RANBP2: variants seen among roughly 807,000 people sequenced by gnomAD.
RANBP2 encodes E3 SUMO-protein ligase RanBP2.
RANBP2 carries 57 observed loss-of-function variants against 303.6 expected under a neutral mutation model. The observed-to-expected ratio is 0.19, with a 90% CI of 0.15 to 0.23. The LOEUF (loss-of-function observed/expected upper bound fraction) is 0.23, where lower values mean the gene tolerates loss of function less well. RANBP2 is among the 10% of genes least tolerant of loss of function. The probability of loss-of-function intolerance (pLI) is 1.00; values close to 1 mark genes in which losing one functional copy is unlikely to be tolerated. For synonymous variants in RANBP2, 1,167 were observed against 1,301.5 expected (o/e 0.90, Z 2.23); for missense variants, 3,138 against 3,780.8 (o/e 0.83, Z 4.46).
chr2:109,547,722 T>C, the RANBP2 span, among the ~76,000 whole-genome samples: 3 of 152,076 alleles, frequency 2.0e-5, no homozygotes, highest in Admixed American at 6.5e-5. Flanking sequence ...AACTTACAAA[T>C]AAAAAGGAAG....
At chr2:109,209,898 C>G in the RANBP2 span, among the ~76,000 whole-genome samples, 4 of 152,004 alleles carry the variant, frequency 2.6e-5, no homozygotes, top group African/African-American at 7.3e-5. Context: ...AAGTACGTCC[C>G]CCCTGTTTTG....
the RANBP2 span, chr2:108,910,915 G>A: frequency 1.2e-6 from 2 of 1,613,968 alleles, no homozygotes; most frequent in East Asian, 2.2e-5. Flanking sequence ...GAGAGTCCAG[G>A]AAGCAGGGCA....
chr2:109,442,946 G>T, the RANBP2 span, among the ~76,000 whole-genome samples: 1 of 152,120 alleles, frequency 6.6e-6, no homozygotes, highest in Non-Finnish European at 1.5e-5. Context: ...AAAAACCAAC[G>T]ATATGCTGTG....
chr2:109,366,909 G>A, the RANBP2 span, among the ~76,000 whole-genome samples: 3 of 152,148 alleles, frequency 2.0e-5, no homozygotes, highest in Non-Finnish European at 2.9e-5. Flanking sequence ...TTTGTGGAAG[G>A]TAAGCTGAAA....
At chr2:109,585,780 G>A in the RANBP2 span, 1 of 1,613,862 alleles carries the variant, frequency 6.2e-7, no homozygotes, top group African/African-American at 1.3e-5. Flanking sequence ...CAGCTGATCA[G>A]GCAAACTCTC....
At chr2:109,546,562 A>G in the RANBP2 span, among the ~76,000 whole-genome samples, 4 of 152,094 alleles carry the variant, frequency 2.6e-5, no homozygotes, top group Non-Finnish European at 4.4e-5. Context: ...TCTCAAGTCC[A>G]TGCTCAATAA....
At chr2:109,018,772 C>T in the RANBP2 span, among the ~76,000 whole-genome samples, 4 of 152,240 alleles carry the variant, frequency 2.6e-5, no homozygotes, top group Non-Finnish European at 5.9e-5. Flanking sequence ...GCCACTCAGA[C>T]CCTCAGGCCA....
chr2:108,847,285 C>T, the RANBP2 span, among the ~76,000 whole-genome samples: 1 of 152,158 alleles, frequency 6.6e-6, no homozygotes, highest in African/African-American at 2.4e-5. Flanking sequence ...TGGCCTACCA[C>T]CTGTTTTGTA....
chr2:109,161,142 G>A, the RANBP2 span, among the ~76,000 whole-genome samples: 1 of 152,176 alleles, frequency 6.6e-6, no homozygotes, highest in African/African-American at 2.4e-5. Context: ...TTGTTACTAG[G>A]CATAAAGCAT....
chr2:109,341,680 C>G, the RANBP2 span, among the ~76,000 whole-genome samples: 1 of 152,162 alleles, frequency 6.6e-6, no homozygotes, highest in South Asian at 2.1e-4. Flanking sequence ...CCCCTTTGCT[C>G]TGGGCATAAT....
At chr2:109,321,199 A>G in the RANBP2 span, among the ~76,000 whole-genome samples, 1 of 152,254 alleles carries the variant, frequency 6.6e-6, no homozygotes, top group Non-Finnish European at 1.5e-5. Context: ...TCTTTGAGGT[A>G]TGCAGTCAGT....
At chr2:109,408,648 C>T in the RANBP2 span, among the ~76,000 whole-genome samples, 1 of 152,242 alleles carries the variant, frequency 6.6e-6, no homozygotes, top group African/African-American at 2.4e-5. Flanking sequence ...CCCGCACTGG[C>T]ACTCTCAGAC....
At chr2:109,078,095 TATATA>T in the RANBP2 span, among the ~76,000 whole-genome samples, 5 of 53,550 alleles carry the variant, frequency 9.3e-5, no homozygotes. Flanking sequence ...TATATATATA[TATATA>T]TATATATATA....
At chr2:109,086,648 A>G in the RANBP2 span, among the ~76,000 whole-genome samples, 2 of 152,126 alleles carry the variant, frequency 1.3e-5, no homozygotes, top group Admixed American at 6.5e-5. Flanking sequence ...AGGGCCTGAG[A>G]TTGCATTCCA....
At chr2:109,508,714 C>T in the RANBP2 span, among the ~76,000 whole-genome samples, 1 of 152,134 alleles carries the variant, frequency 6.6e-6, no homozygotes, top group Admixed American at 6.5e-5. Context: ...CCCTCGATGG[C>T]CTGGCTTCAC....
chr2:108,968,219 C>G, the RANBP2 span, among the ~76,000 whole-genome samples: 109 of 152,272 alleles, frequency 7.2e-4, no homozygotes, highest in Non-Finnish European at 1.2e-3. Flanking sequence ...TCAGCATCGC[C>G]AGAGAGCCTG....
At chr2:109,209,148 C>T in the RANBP2 span, among the ~76,000 whole-genome samples, 1 of 152,324 alleles carries the variant, frequency 6.6e-6, no homozygotes, top group Non-Finnish European at 1.5e-5. Flanking sequence ...GGTCCAAACC[C>T]TCTGTGCTGT....
chr2:109,094,743 T>C, the RANBP2 span, among the ~76,000 whole-genome samples: 1 of 152,084 alleles, frequency 6.6e-6, no homozygotes, highest in Non-Finnish European at 1.5e-5. Flanking sequence ...GGCAGGAGAA[T>C]CACTTCAACT....
At chr2:109,730,446 T>C in the RANBP2 span, among the ~76,000 whole-genome samples, 1 of 152,154 alleles carries the variant, frequency 6.6e-6, no homozygotes, top group African/African-American at 2.4e-5. Flanking sequence ...AGTGTCTCCA[T>C]GACCACAGAG....
Sources: allele counts gnomAD v4.1 joint callset (sites outside exome capture counted in the v4.1 genomes callset), GRCh38; gene constraint gnomAD v4.1.1; transcripts MANE v1.5; gene names NCBI Gene and HGNC (gene_info 2026-07-23, HGNC 2026-07-21).